The following GATAD2A variants were observed in gnomAD, a reference collection of about 807,000 sequenced individuals.
GATAD2A encodes transcriptional repressor p66-alpha.
GATAD2A carries 12 observed loss-of-function variants against 68.5 expected under a neutral mutation model. The ratio of observed to expected loss-of-function variants is 0.18; its 90% CI spans 0.11 to 0.28. The LOEUF (loss-of-function observed/expected upper bound fraction) is 0.28. GATAD2A is among the 10% of genes least tolerant of loss of function. The pLI is 1.00. For missense variants in GATAD2A, 755 were observed against 868.5 expected, an observed-to-expected ratio of 0.87 and a Z score of 1.64; for synonymous variants, 410 against 375.3, an observed-to-expected ratio of 1.09 and a Z score of -1.07.
At chr19:19,423,851 C>A (rs568561252) in intron 1 of GATAD2A, among the ~76,000 whole-genome samples, 100 of 152,204 alleles carry the variant, frequency 6.6e-4, no homozygotes, top group African/African-American at 2.3e-3. Context: ...GACCTTGCTG[C>A]TTGGCCAGTT....
At chr19:19,395,595 TG>T (rs888530234) in intron 1 of GATAD2A, among the ~76,000 whole-genome samples, 1 of 152,180 alleles carries the variant, frequency 6.6e-6, no homozygotes, top group African/African-American at 2.4e-5. Flanking sequence ...GAGGCCTATC[TG>T]GCAGGGCGGC....
chr19:19,449,338 T>G (rs2056113721), intron 1 of GATAD2A, among the ~76,000 whole-genome samples: 1 of 122,814 alleles, frequency 8.1e-6, no homozygotes, highest in Non-Finnish European at 1.7e-5. Context: ...GCAGGCCTAG[T>G]GTGAGTTACA....
chr19:19,406,237 G>C (rs1001257042), intron 1 of GATAD2A, among the ~76,000 whole-genome samples: 7 of 108,818 alleles, frequency 6.4e-5, no homozygotes, highest in Admixed American at 5.8e-4. Flanking sequence ...GCCCGGGCAC[G>C]TGGGGGCCGG....
chr19:19,508,487 C>G lies in GATAD2A; in HGVS notation c.*3013C>G, dbSNP rs571168639. Reference sequence around the variant, plus strand: ...GGGAATGAGGCAACCCAGTGGCAGCCCCGCTGGGCCCCGTGGCTCCTGCTC... The same window carrying G: ...GGGAATGAGGCAACCCAGTGGCAGCGCCGCTGGGCCCCGTGGCTCCTGCTC... On this transcript the variant is annotated 3_prime_UTR_variant, in exon 12 of 12. Transcript: ENST00000683918. 2 of 152,366 alleles carry G rather than the reference C, an allele frequency of 1.3e-5. No homozygotes were observed. The highest frequency in any genetic ancestry group is 1.3e-4 in the Admixed American group (2 of 15,300). The allele number at this position is 152,366 out of a possible 1,614,324, so 9.4% of individuals were successfully genotyped here. A position where few individuals can be genotyped will look rare whatever the true frequency, so the allele number is the denominator to read the frequency against.
At chr19:19,433,231 C>T (rs1265338892) in intron 1 of GATAD2A, among the ~76,000 whole-genome samples, 1 of 152,178 alleles carries the variant, frequency 6.6e-6, no homozygotes, top group South Asian at 2.1e-4. Context: ...CTTGTGTTCA[C>T]GCAGAGTAGG....
upstream of GATAD2A, among the ~76,000 whole-genome samples, chr19:19,405,388 G>C (rs1197623210): frequency 1.3e-5 from 2 of 152,228 alleles, no homozygotes; most frequent in Non-Finnish European, 2.9e-5. Flanking sequence ...TGAGCGCGTC[G>C]TGAGTCAGCC....
intron 2 of GATAD2A, among the ~76,000 whole-genome samples, chr19:19,467,957 A>G (rs1042846891): frequency 6.6e-6 from 1 of 152,134 alleles, no homozygotes; most frequent in Non-Finnish European, 1.5e-5. Context: ...CAGTCTCCCA[A>G]CTTGTGTGAG....
intron 1 of GATAD2A, among the ~76,000 whole-genome samples, chr19:19,438,527 TC>T (rs1289659926): frequency 6.6e-6 from 1 of 152,186 alleles, no homozygotes; most frequent in Non-Finnish European, 1.5e-5. Flanking sequence ...CTGTAGTTTC[TC>T]CTAGGCCCCA....
At chr19:19,496,307 G>T in intron 7 of GATAD2A, 88 bp downstream of exon 7, 1 of 1,224,720 alleles carries the variant, frequency 8.2e-7, no homozygotes, top group Non-Finnish European at 1.2e-6. Flanking sequence ...GCACAGTAGT[G>T]TTTCCCTGGG....
upstream of GATAD2A, among the ~76,000 whole-genome samples, chr19:19,401,189 T>G (rs980363125): frequency 9.4e-5 from 12 of 127,136 alleles, no homozygotes; most frequent in East Asian, 4.5e-4. Flanking sequence ...TTCATAAAGG[T>G]GATTAAAAGA....
At chr19:19,459,683 C>G (rs1250376645) in intron 1 of GATAD2A, among the ~76,000 whole-genome samples, 1 of 152,200 alleles carries the variant, frequency 6.6e-6, no homozygotes, top group Non-Finnish European at 1.5e-5. Context: ...GGGGCAGTGG[C>G]ATCCTCTCTT....
chr19:19,407,692 T>A (rs2050439126), intron 1 of GATAD2A, among the ~76,000 whole-genome samples: 1 of 152,240 alleles, frequency 6.6e-6, no homozygotes, highest in African/African-American at 2.4e-5. Flanking sequence ...ATGCTAGCCC[T>A]GCTTTGTTCT....
chr19:19,496,031 C>A, intron 6 of GATAD2A, 21 bp from the exon 7 acceptor site: 1 of 1,610,144 alleles, frequency 6.2e-7, no homozygotes, highest in South Asian at 1.1e-5. Context: ...ATTTCTTGTT[C>A]TCCCCACCCT....
rs769113431 is a variant in GATAD2A at position 19,501,362 on chromosome 19, C to A, written c.1449C>A (p.Ala483=). 1.6e-5 allele frequency: 26 copies of A among 1,611,424 alleles called. No individual in the cohort carries two copies. The Middle Eastern group carries it at 8.3e-4, about 51-fold the overall frequency. ...AGCGGCTCCTGCAGCAGGGCACGGC[C>A]CCTGCACAGGCCAAGGCCGAGCCCA... ...IEQRLLQQGT[A]PAQAKAEPTA... The change falls in exon 9 of 12, where the codon GCC becomes GCA. Residue 483 remains alanine (A), a synonymous_variant. Transcript: ENST00000683918.
At chr19:19,412,699 C>G (rs957364300) in intron 1 of GATAD2A, among the ~76,000 whole-genome samples, 3 of 152,108 alleles carry the variant, frequency 2.0e-5, no homozygotes, top group African/African-American at 7.2e-5. Flanking sequence ...GGCCCTAACT[C>G]TACAAATAAT....
At position 19,506,153 on chromosome 19, in the gene GATAD2A, C is replaced by G. The variant is rs183011067; in HGVS notation, c.*679C>G. The G allele has an allele frequency of 3.8e-3, 1,516 of 398,746 alleles. 9 individuals carry two copies. The highest frequency in any genetic ancestry group is 9.2e-3 in the Admixed American group (209 of 22,712). The allele number at this position is 398,746 out of a possible 1,614,324, so 24.7% of individuals were successfully genotyped here. On this transcript the variant is annotated 3_prime_UTR_variant, in exon 12 of 12. Transcript: ENST00000683918. ...CGCCCCCGTGACTGACTGACAGATG[C>G]AGGGATGGCCGAGGCAGCCCTCGCT...
chr19:19,434,944 A>G (rs954893749), intron 1 of GATAD2A: 10 of 325,566 alleles, frequency 3.1e-5, no homozygotes, highest in African/African-American at 2.2e-4. Flanking sequence ...TCTTGAGGGT[A>G]AACCTAGCAC....
intron 2 of GATAD2A, among the ~76,000 whole-genome samples, chr19:19,487,202 C>G (rs2059497292): frequency 6.6e-6 from 1 of 152,218 alleles, no homozygotes; most frequent in Non-Finnish European, 1.5e-5. Context: ...CACCCCAGGG[C>G]TGGATACCCC....
intron 1 of GATAD2A, among the ~76,000 whole-genome samples, chr19:19,439,606 G>C (rs2054756559): frequency 6.6e-6 from 1 of 152,158 alleles, no homozygotes; most frequent in Non-Finnish European, 1.5e-5. Flanking sequence ...CCAGCACTTT[G>C]GGAGGCTGAA....
Sources: gnomAD v4.1 joint callset for allele counts (sites outside exome capture counted in the v4.1 genomes callset) on GRCh38, gnomAD v4.1.1 for gene constraint, MANE v1.5 for transcripts, NCBI Gene and HGNC (gene_info 2026-07-23, HGNC 2026-07-21) for gene names.